Variants in ITLN2 observed in about 807,000 individuals in gnomAD.
ITLN2 encodes the protein intelectin 2, also known as intelectin-2.
A neutral mutation model predicts 39.4 loss-of-function variants in ITLN2; 29 were observed. The ratio of observed to expected loss-of-function variants is 0.74; its 90% CI spans 0.55 to 1.00. The LOEUF is 1.00. Ranked by LOEUF, ITLN2 falls within the 50% of genes least tolerant of loss-of-function variation. ITLN2 has a pLI of 0.00. For missense variants in ITLN2, 412 were observed against 416.7 expected (o/e 0.99, Z 0.10); for synonymous variants, 156 against 153.4 (o/e 1.02, Z -0.12).
At chr1:160,952,322 C>G (rs1177241196) in intron 3 of ITLN2, among the ~76,000 whole-genome samples, 1 of 152,184 alleles carries the variant, frequency 6.6e-6, no homozygotes, top group African/African-American at 2.4e-5. Flanking sequence ...TCGGGAGTTT[C>G]AGGTTTTCTG....
Position 160,951,053 on chromosome 1 carries a change from T to C in ITLN2, c.431A>G (p.Asp144Gly), listed in dbSNP as rs772862999. 6.2e-7 allele frequency: 1 copy of C among 1,614,180 alleles called. No homozygotes were observed. The highest frequency in any genetic ancestry group is 2.2e-5 in the East Asian group (1 of 44,884). ...AGAAGTGGCACCAACCTTGTAGTCA[T>C]CGCTCGTGGCCGCCTCTGCAGATCC... is the stretch of plus-strand genomic sequence containing the variant. Reference protein sequence around the residue: ...TFGSAEAATSDDYKNPGYYDI... With the variant: ...TFGSAEAATSGDYKNPGYYDI... Residue 144 changes from aspartate to glycine, a missense_variant, in exon 4 of 8, where the codon GAT (aspartate) becomes GGT (glycine). Physicochemically the swap from Asp to Gly is moderately conservative, Grantham distance 94. Coordinates refer to ENST00000368029, the MANE Select transcript of ITLN2 (RefSeq NM_080878.3).
rs760012908 is a variant in ITLN2 at position 160,947,952 on chromosome 1, C to T, written c.802G>A (p.Val268Ile). The change falls in exon 7 of 8, where the codon GTT becomes ATT. Residue 268 changes from valine to isoleucine, a missense_variant. By Grantham distance (29) the Val-to-Ile change is conservative. Coordinates refer to ENST00000368029, the MANE Select transcript of ITLN2 (RefSeq NM_080878.3). ...AANALCAGIK[V>I]TGCNTEHHCI... Reference sequence around the variant, plus strand: ...ACATGCTCAGTGTTACAGCCAGTAACTTTTATCCCAGCACAAAGGGCGTTG... The same window carrying T: ...ACATGCTCAGTGTTACAGCCAGTAATTTTTATCCCAGCACAAAGGGCGTTG... 9.3e-6 allele frequency: 15 copies of T among 1,614,066 alleles called. No homozygotes were observed. The East Asian group carries it at 3.1e-4, about 34-fold the overall frequency.
intron 4 of ITLN2, 48 bp from the exon 5 acceptor site, chr1:160,950,759 A>T: frequency 6.3e-7 from 1 of 1,581,064 alleles, no homozygotes; most frequent in South Asian, 1.2e-5. Flanking sequence ...AGGTACCAGG[A>T]GGCAGAAGGT....
rs141499353 is a variant in ITLN2 at position 160,954,704 on chromosome 1, T to G, written c.15+23A>C. 213 of 1,613,732 alleles carry G rather than the reference T, an allele frequency of 1.3e-4. 1 individual carries two copies. The East Asian group carries it at 4.7e-3, about 36-fold the overall frequency. On this transcript the variant is annotated intron_variant, in intron 1 of 7. Coordinates refer to ENST00000368029, the MANE Select transcript of ITLN2 (RefSeq NM_080878.3). ...GCTGGCATCATTGCTCCCACACACATGGATCAAAAACATTTTTCTCACCAG... is the reference window on the plus strand; with the variant it reads ...GCTGGCATCATTGCTCCCACACACAGGGATCAAAAACATTTTTCTCACCAG...
intron 6 of ITLN2, among the ~76,000 whole-genome samples, chr1:160,948,348 C>T (rs776127012): frequency 6.6e-6 from 1 of 152,112 alleles, no homozygotes; most frequent in Non-Finnish European, 1.5e-5. Flanking sequence ...CTGAGAAGGC[C>T]CAGCAGGAAT....
Position 160,951,107 on chromosome 1 carries a change from T to C in ITLN2, c.377A>G (p.Asp126Gly), listed in dbSNP as rs139408823. 9.3e-6 allele frequency: 15 copies of C among 1,613,964 alleles called. No individual in the cohort carries two copies. The highest frequency in any genetic ancestry group is 1.1e-5 in the Non-Finnish European group (13 of 1,180,012). Residue 126 changes from aspartate (D) to glycine (G), a missense_variant, in exon 4 of 8, where the codon GAT becomes GGT. Transcript: ENST00000368029. ...QGNKADYPEG[D>G]GNWANYNTFG... is the part of the protein sequence containing the mutation. ...GGTGTTGTAGTTGGCCCAGTTGCCATCCCCCTCTGGGTAGTCTGCTTTGTT... is the reference window on the plus strand; with the variant it reads ...GGTGTTGTAGTTGGCCCAGTTGCCACCCCCCTCTGGGTAGTCTGCTTTGTT...
chr1:160,951,112 C>T lies in ITLN2; in HGVS notation c.372G>A (p.Glu124=), dbSNP rs61469377. ...SQQGNKADYP[E]GDGNWANYNT... is the part of the protein sequence containing the mutation. ...TGTAGTTGGCCCAGTTGCCATCCCC[C>T]TCTGGGTAGTCTGCTTTGTTGCCCT... Residue 124 remains glutamate, a synonymous_variant, in exon 4 of 8, where the codon GAG becomes GAA. Transcript: ENST00000368029. 4,994 of 1,614,196 alleles carry T rather than the reference C, an allele frequency of 3.1e-3. 140 individuals are homozygous for T. In the African/African-American group the frequency reaches 0.059, roughly 19 times the overall value.
At chr1:160,946,570 G>A (rs1671608011) in intron 7 of ITLN2, among the ~76,000 whole-genome samples, 1 of 151,568 alleles carries the variant, frequency 6.6e-6, no homozygotes, top group Non-Finnish European at 1.5e-5. Flanking sequence ...AAAATTAGTG[G>A]GGCGTGGTGG....
At chr1:160,951,718 TG>T (rs1352909349) in intron 3 of ITLN2, among the ~76,000 whole-genome samples, 8 of 152,230 alleles carry the variant, frequency 5.3e-5, no homozygotes, top group South Asian at 2.1e-4. Flanking sequence ...TGCAGGAGAC[TG>T]GCTCCACGGT....
chr1:160,945,080 C>T lies in ITLN2; in HGVS notation c.*60G>A, dbSNP rs773750252. On this transcript the variant is annotated 3_prime_UTR_variant, in exon 8 of 8. Transcript: ENST00000368029. ...CTCCTTGTTAGAATTCCAGTTTTTC[C>T]GTCTCCAAATAGCCGGGGTTGGAAG... 18 of 1,463,600 alleles carry T rather than the reference C, an allele frequency of 1.2e-5. No individual in the cohort carries two copies. Among genetic ancestry groups the T allele is most frequent in the South Asian group, 2.7e-5 (2 of 73,100 alleles). The allele number at this position is 1,463,600 out of a possible 1,614,324, so 90.7% of individuals were successfully genotyped here.
rs751712528 is a variant in ITLN2, at chr1:160,951,077, C to G, written c.407G>C (p.Gly136Ala). Residue 136 changes from glycine (G) to alanine (A), a missense_variant, in exon 4 of 8, where the codon GGA becomes GCA. By Grantham distance (60) the Gly-to-Ala change is moderately conservative (BLOSUM62 0). Transcript: ENST00000368029. ...ATCGCTCGTGGCCGCCTCTGCAGAT[C>G]CAAAGGTGTTGTAGTTGGCCCAGTT... ...DGNWANYNTF[G>A]SAEAATSDDY... is the part of the protein sequence containing the mutation. 6 of 1,614,108 alleles carry G rather than the reference C, an allele frequency of 3.7e-6. No individual in the cohort carries two copies. In the African/African-American group the frequency reaches 8.0e-5, roughly 22 times the overall value.
At position 160,950,541 on chromosome 1, in the gene ITLN2, A is replaced by C. The variant is rs1353109196; in HGVS notation, c.600+12T>G. The C allele has an allele frequency of 2.5e-6, 4 of 1,612,426 alleles. No individual in the cohort carries two copies. Among genetic ancestry groups the C allele is most frequent in the Non-Finnish European group, 3.4e-6 (4 of 1,179,036 alleles). On this transcript the variant is annotated intron_variant, in intron 5 of 7. Transcript: ENST00000368029. ...CCAAAGAAAGTGCCCCCCAGCCAGC[A>C]GCCCTGTGTACCTGGTAGATGCCAA...
rs1671570058 is a variant in ITLN2, at chr1:160,945,150, AAC to A, written c.966_967del (p.Leu322PhefsTer3). On this transcript the variant is annotated frameshift_variant, in exon 8 of 8. Coordinates refer to ENST00000368029, the MANE Select transcript of ITLN2 (RefSeq NM_080878.3). LOFTEE classifies it high-confidence loss of function. Reference sequence around the variant, plus strand: ...CCGCAGAGCTCTGTCTCATCTATAGAACAAGAGTACAGCCGCCTCCGTTATCT... The same window carrying A: ...CCGCAGAGCTCTGTCTCATCTATAGAAAGAGTACAGCCGCCTCCGTTATCT... 3 of 1,598,220 alleles carry A rather than the reference AAC, an allele frequency of 1.9e-6. No homozygotes were observed. The highest frequency in any genetic ancestry group is 2.6e-6 in the Non-Finnish European group (3 of 1,175,870).
rs550838202 is a variant in ITLN2, at chr1:160,952,042, T to A, written c.193+578A>T. Among the ~76,000 whole-genome samples the A allele has an allele frequency of 5.9e-5, 9 of 152,322 alleles. No homozygotes were observed. In the East Asian group the frequency reaches 1.7e-3, roughly 29 times the overall value. ...GGACTGGCTCCTCAGCCACTGCCCA[T>A]GTTGTGTTGTCACTCGCCCTCTTTT... is the stretch of plus-strand genomic sequence containing the variant. On this transcript the variant is annotated intron_variant, in intron 3 of 7. Transcript: ENST00000368029.
intron 5 of ITLN2, 79 bp from the exon 6 acceptor site, chr1:160,950,245 T>A (rs1272367073): frequency 6.8e-7 from 1 of 1,464,228 alleles, no homozygotes; most frequent in Non-Finnish European, 9.5e-7. Flanking sequence ...GGTTTCAAAT[T>A]AACTGCCATT....
rs192833923 is a variant in ITLN2, at chr1:160,953,284, A to T, written c.80-551T>A. 1.1e-4 allele frequency among the ~76,000 whole-genome samples: 16 copies of T among 152,314 alleles called. No individual in the cohort carries two copies. The East Asian group carries it at 3.1e-3, about 29-fold the overall frequency. On this transcript the variant is annotated intron_variant, in intron 2 of 7. Transcript: ENST00000368029. ...CAGTCGCTTATTGTGGCTGGAACAT[A>T]TGTTGTAATACAAAGAAGTCTGGAA...
At chr1:160,950,774 A>C in intron 4 of ITLN2, 63 bp from the exon 5 acceptor site, 1 of 1,568,502 alleles carries the variant, frequency 6.4e-7, no homozygotes, top group Non-Finnish European at 8.6e-7. Flanking sequence ...GAAGGTCCAC[A>C]TGTGCAGCCT....
intron 6 of ITLN2, 62 bp from the exon 7 acceptor site, chr1:160,948,094 C>A: frequency 7.3e-7 from 1 of 1,374,582 alleles, no homozygotes; most frequent in Non-Finnish European, 1.0e-6. Context: ...AGCAGCATCC[C>A]ATTGGCCAGT....
chr1:160,950,820 T>C, intron 4 of ITLN2, 109 bp from the exon 5 acceptor site: 1 of 1,511,352 alleles, frequency 6.6e-7, no homozygotes, highest in Non-Finnish European at 8.9e-7. Flanking sequence ...AGTAGGCAGA[T>C]GGCCAGCCAC....
Sources: allele counts gnomAD v4.1 joint callset (sites outside exome capture counted in the v4.1 genomes callset), GRCh38; gene constraint gnomAD v4.1.1; transcripts MANE v1.5; gene names NCBI Gene and HGNC (gene_info 2026-07-23, HGNC 2026-07-21).